Variants in COX7B2 observed in about 807,000 individuals in gnomAD.
COX7B2 encodes cytochrome c oxidase subunit 7B2, mitochondrial.
For synonymous variants in COX7B2, 37 were observed against 32.1 expected (o/e 1.15, Z -0.51); for missense variants, 109 against 95.9 (o/e 1.14, Z -0.57).
intron 1 of COX7B2, among the ~76,000 whole-genome samples, chr4:46,867,838 T>G (rs1318336370): frequency 1.3e-5 from 2 of 152,194 alleles, no homozygotes; most frequent in Admixed American, 1.3e-4. Context: ...TTTTTCTTTT[T>G]TTGTTGTTGT....
At chr4:46,901,349 TTGTCCTTATCATAGG>T (rs1325921621) in intron 1 of COX7B2, among the ~76,000 whole-genome samples, 1 of 152,214 alleles carries the variant, frequency 6.6e-6, no homozygotes, top group Admixed American at 6.5e-5. Flanking sequence ...AATCATCCTA[TTGTCCTTATCATAGG>T]CTTCCCACTC....
Position 46,902,472 on chromosome 4 carries a change from G to C in COX7B2, c.-105+6688C>G, listed in dbSNP as rs1162864078. On this transcript the variant is annotated intron_variant, in intron 1 of 2. Coordinates refer to ENST00000355591, the MANE Select transcript of COX7B2 (RefSeq NM_130902.3). ...TAATAATTAAGCTTATGGTCAGTCG[G>C]CATGGCTGTCCTTCAGAGAAGGGAA... 2.6e-5 allele frequency among the ~76,000 whole-genome samples: 4 copies of C among 152,158 alleles called. No homozygotes were observed. The East Asian group carries it at 5.8e-4, about 22-fold the overall frequency.
intron 1 of COX7B2, among the ~76,000 whole-genome samples, chr4:46,894,042 T>A (rs1381042498): frequency 6.6e-6 from 1 of 152,134 alleles, no homozygotes; most frequent in Non-Finnish European, 1.5e-5. Flanking sequence ...AAGCATCTCA[T>A]ACTCATGAAT....
At chr4:46,760,561 A>T (rs1260377643) in intron 2 of COX7B2, among the ~76,000 whole-genome samples, 1 of 152,016 alleles carries the variant, frequency 6.6e-6, no homozygotes, top group Non-Finnish European at 1.5e-5. Context: ...CTGGTCATGA[A>T]ATGGGGGTCT....
At chr4:46,803,009 T>C (rs1249535971) in intron 2 of COX7B2, among the ~76,000 whole-genome samples, 1 of 152,182 alleles carries the variant, frequency 6.6e-6, no homozygotes, top group Non-Finnish European at 1.5e-5. Flanking sequence ...GGATCCTGAA[T>C]GACTATAAGG....
chr4:46,903,858 G>T (rs566739187), intron 1 of COX7B2: 1 of 152,158 alleles, frequency 6.6e-6, no homozygotes, highest in Non-Finnish European at 1.5e-5. Context: ...TATGATGTTT[G>T]TAGAATGATG....
intron 2 of COX7B2, among the ~76,000 whole-genome samples, chr4:46,745,205 T>C (rs1053187481): frequency 6.6e-5 from 10 of 152,242 alleles, no homozygotes; most frequent in African/African-American, 1.9e-4. Context: ...TTTTCCACCT[T>C]GCTTCTGCAA....
intron 2 of COX7B2, among the ~76,000 whole-genome samples, chr4:46,752,490 T>C (rs1470960130): frequency 6.6e-6 from 1 of 152,100 alleles, no homozygotes; most frequent in Non-Finnish European, 1.5e-5. Context: ...CATCCCTGTC[T>C]TGTGCCAATT....
intron 2 of COX7B2, among the ~76,000 whole-genome samples, chr4:46,797,349 G>A (rs1054651346): frequency 6.6e-6 from 1 of 152,162 alleles, no homozygotes; most frequent in African/African-American, 2.4e-5. Flanking sequence ...CCAGTCAAAG[G>A]AGGGATTTAT....
chr4:46,868,950 A>G (rs970806799), intron 1 of COX7B2, among the ~76,000 whole-genome samples: 3 of 152,058 alleles, frequency 2.0e-5, no homozygotes, highest in Non-Finnish European at 4.4e-5. Context: ...TTGATGATCT[A>G]TCTAATACTG....
rs140712239 is a variant in COX7B2, at chr4:46,822,461, G to T, written c.-50+22499C>A. On this transcript the variant is annotated intron_variant, in intron 2 of 2. Coordinates refer to ENST00000355591, the MANE Select transcript of COX7B2 (RefSeq NM_130902.3). Reference sequence around the variant, plus strand: ...AGGAAGAGAGAAGTATCTATTTGTTGATTTTTTTCTTCCTCACATGACCTG... The same window carrying T: ...AGGAAGAGAGAAGTATCTATTTGTTTATTTTTTTCTTCCTCACATGACCTG... Among the ~76,000 whole-genome samples, 567 of 152,168 alleles carry T rather than the reference G, an allele frequency of 3.7e-3. 3 individuals carry two copies. Among genetic ancestry groups the T allele is most frequent in the Non-Finnish European group, 6.2e-3 (424 of 67,976 alleles).
At chr4:46,864,644 T>TTTTGGTTG in intron 1 of COX7B2, among the ~76,000 whole-genome samples, 1 of 149,250 alleles carries the variant, frequency 6.7e-6, no homozygotes, top group East Asian at 2.0e-4. Flanking sequence ...CAGAGTTGTT[T>TTTTGGTTG]TTTGTTTGTT....
chr4:46,884,113 A>G (rs1718917745), intron 1 of COX7B2, among the ~76,000 whole-genome samples: 1 of 151,162 alleles, frequency 6.6e-6, no homozygotes, highest in Non-Finnish European at 1.5e-5. Context: ...ACCTCCAAGA[A>G]CTTCAATAAC....
At chr4:46,768,294 G>A (rs2109505000) in intron 2 of COX7B2, among the ~76,000 whole-genome samples, 1 of 152,324 alleles carries the variant, frequency 6.6e-6, no homozygotes, top group South Asian at 2.1e-4. Context: ...TGGGAAAGCA[G>A]TCTTCCCCTG....
intron 2 of COX7B2, among the ~76,000 whole-genome samples, chr4:46,829,431 T>C (rs1714919345): frequency 3.9e-5 from 6 of 152,188 alleles, no homozygotes; most frequent in Admixed American, 3.9e-4. Flanking sequence ...TTGATACAAC[T>C]CTTGAAAATA....
intron 2 of COX7B2, among the ~76,000 whole-genome samples, chr4:46,827,709 G>C (rs187578934): frequency 6.6e-6 from 1 of 152,240 alleles, no homozygotes; most frequent in African/African-American, 2.4e-5. Context: ...ATACAGGAAG[G>C]AATGAAGAGC....
intron 2 of COX7B2, among the ~76,000 whole-genome samples, chr4:46,752,682 G>C (rs1715470673): frequency 6.6e-6 from 1 of 152,134 alleles, no homozygotes; most frequent in South Asian, 2.1e-4. Context: ...ATAATCATGT[G>C]GTTTTTGTCG....
intron 2 of COX7B2, among the ~76,000 whole-genome samples, chr4:46,740,294 T>C (rs1714627400): frequency 1.3e-5 from 2 of 152,098 alleles, no homozygotes; most frequent in Admixed American, 1.3e-4. Context: ...CAAACAGTGT[T>C]AGAGTTTCAG....
chr4:46,801,507 T>C (rs192269047), intron 2 of COX7B2, among the ~76,000 whole-genome samples: 6 of 152,240 alleles, frequency 3.9e-5, no homozygotes, highest in Non-Finnish European at 7.4e-5. Flanking sequence ...TGTTCCTACT[T>C]ATAAGTGAGA....
Sources: gnomAD v4.1 joint callset for allele counts (sites outside exome capture counted in the v4.1 genomes callset) on GRCh38, gnomAD v4.1.1 for gene constraint, MANE v1.5 for transcripts, NCBI Gene and HGNC (gene_info 2026-07-23, HGNC 2026-07-21) for gene names.